ZNF138: variants seen among roughly 807,000 people sequenced by gnomAD.
The protein encoded by ZNF138 is zinc finger protein 138 (clone pHZ-32).
In ZNF138, 33 loss-of-function variants were observed where a neutral mutation model predicts 33.0. The ratio of observed to expected loss-of-function variants is 1.00; its 90% CI spans 0.76 to 1.34. ZNF138 has a LOEUF of 1.34. Among genes scored for constraint, ZNF138 ranks in the 40% most tolerant of loss-of-function variants. The probability of loss-of-function intolerance (pLI) is 0.00; values close to 1 mark genes in which losing one functional copy is unlikely to be tolerated. For synonymous variants in ZNF138, 139 were observed against 120.4 expected (o/e 1.15, Z -1.01); for missense variants, 360 against 370.8 (o/e 0.97, Z 0.24).
At chr7:64,847,021 G>A in the ZNF138 span, among the ~76,000 whole-genome samples, 3 of 152,134 alleles carry the variant, frequency 2.0e-5, no homozygotes, top group Non-Finnish European at 2.9e-5. Flanking sequence ...TGAGATAATC[G>A]TGATTTTTTG....
the ZNF138 span, among the ~76,000 whole-genome samples, chr7:64,845,973 T>C: frequency 6.6e-6 from 1 of 152,344 alleles, no homozygotes; most frequent in Non-Finnish European, 1.5e-5. Context: ...TTTATTCTTC[T>C]ACATGTGGCT....
the ZNF138 span, among the ~76,000 whole-genome samples, chr7:64,846,633 A>C: frequency 8.5e-5 from 13 of 152,112 alleles, no homozygotes; most frequent in Non-Finnish European, 1.6e-4. Flanking sequence ...AGCTTTGCTG[A>C]ATTTATCAGT....
chr7:64,849,040 C>A, the ZNF138 span, among the ~76,000 whole-genome samples: 13 of 152,138 alleles, frequency 8.5e-5, no homozygotes, highest in Admixed American at 4.6e-4. Context: ...TGTCATACTA[C>A]CAGAATTGTT....
intron 3 of ZNF138, among the ~76,000 whole-genome samples, chr7:64,823,489 C>A (rs1266306564): frequency 6.6e-6 from 1 of 152,046 alleles, no homozygotes; most frequent in African/African-American, 2.4e-5. Flanking sequence ...ACATGCACTA[C>A]CATGTTCAAC....
chr7:64,842,098 C>G, the ZNF138 span, among the ~76,000 whole-genome samples: 1 of 152,222 alleles, frequency 6.6e-6, no homozygotes, highest in Non-Finnish European at 1.5e-5. Context: ...GAATCTTGCT[C>G]TGTCACCCAG....
At chr7:64,817,382 T>C (rs1365688491) in intron 3 of ZNF138, among the ~76,000 whole-genome samples, 1 of 152,190 alleles carries the variant, frequency 6.6e-6, no homozygotes, top group African/African-American at 2.4e-5. Context: ...GGCCATTTCT[T>C]GGTATGTAGC....
At chr7:64,805,354 G>A (rs1361433018) in intron 1 of ZNF138, among the ~76,000 whole-genome samples, 3 of 151,710 alleles carry the variant, frequency 2.0e-5, no homozygotes, top group South Asian at 2.1e-4. Flanking sequence ...AGCTGAGATT[G>A]CGCCACTGCA....
chr7:64,855,451 G>A, the ZNF138 span, among the ~76,000 whole-genome samples: 16 of 1,084 alleles, frequency 0.015, 7 homozygotes, highest in African/African-American at 0.015. Context: ...TTTATCTTGC[G>A]TGCAAAAATG....
At chr7:64,859,870 G>A in the ZNF138 span, among the ~76,000 whole-genome samples, 3 of 152,318 alleles carry the variant, frequency 2.0e-5, no homozygotes, top group South Asian at 6.2e-4. Flanking sequence ...TGTGCACGGT[G>A]GCTCACGCCT....
intron 2 of ZNF138, among the ~76,000 whole-genome samples, chr7:64,815,364 T>TA (rs1788530934): frequency 6.6e-6 from 1 of 152,176 alleles, no homozygotes; most frequent in South Asian, 2.1e-4. Flanking sequence ...GAATCAATAG[T>TA]ACTGGGTAGT....
At chr7:64,821,411 A>G (rs911733424) in intron 3 of ZNF138, among the ~76,000 whole-genome samples, 2 of 150,946 alleles carry the variant, frequency 1.3e-5, no homozygotes, top group Non-Finnish European at 2.9e-5. Context: ...TTTTATTGTA[A>G]TTATTATGCA....
the ZNF138 span, among the ~76,000 whole-genome samples, chr7:64,839,292 C>T: frequency 2.0e-5 from 3 of 152,248 alleles, no homozygotes; most frequent in African/African-American, 7.2e-5. Flanking sequence ...TGGGAGGTTG[C>T]GCAGGAGGCA....
At chr7:64,845,918 C>T in the ZNF138 span, among the ~76,000 whole-genome samples, 1 of 152,112 alleles carries the variant, frequency 6.6e-6, no homozygotes, top group African/African-American at 2.4e-5. Flanking sequence ...GTCTTAGATC[C>T]ATCTTGAGTT....
chr7:64,823,960 A>C (rs904165419), intron 3 of ZNF138, among the ~76,000 whole-genome samples: 3 of 152,204 alleles, frequency 2.0e-5, no homozygotes, highest in Non-Finnish European at 4.4e-5. Flanking sequence ...AAATAAATTT[A>C]ATACGGCTTG....
chr7:64,819,027 ATTAG>A lies in ZNF138; in HGVS notation c.208+3377_208+3380del, dbSNP rs565104934. 2.4e-3 allele frequency among the ~76,000 whole-genome samples: 369 copies of A among 152,288 alleles called. 3 individuals are homozygous for A. The highest frequency in any genetic ancestry group is 8.4e-3 in the African/African-American group (349 of 41,544). ...GTTTTTTCAGTGTAGGTTGCTTAATATTAGTTTATTGTAATTTTTTTGTTTTACT... is the reference window on the plus strand; with the variant it reads ...GTTTTTTCAGTGTAGGTTGCTTAATATTTATTGTAATTTTTTTGTTTTACT... On this transcript the variant is annotated intron_variant, in intron 3 of 3. Coordinates refer to ENST00000307355, the MANE Select transcript of ZNF138 (RefSeq NM_001271639.2).
At chr7:64,804,964 T>TA (rs951049243) in intron 1 of ZNF138, among the ~76,000 whole-genome samples, 4 of 152,182 alleles carry the variant, frequency 2.6e-5, no homozygotes, top group East Asian at 1.9e-4. Flanking sequence ...TTTGGGTGTT[T>TA]AAAAAAAATT....
rs778521505 is a variant in ZNF138, at chr7:64,815,669, T to C, written c.208+16T>C. On this transcript the variant is annotated intron_variant, in intron 3 of 3. Coordinates refer to ENST00000307355, the MANE Select transcript of ZNF138 (RefSeq NM_001271639.2). ...AAACATTCAGGTAGGTGAGAGTGAA[T>C]ACACAGATGGCACAGATGAGAGGTC... 1.9e-6 allele frequency: 3 copies of C among 1,606,412 alleles called. No homozygotes were observed. Among genetic ancestry groups the C allele is most frequent in the Non-Finnish European group, 2.6e-6 (3 of 1,175,814 alleles).
chr7:64,836,752 A>T (rs1271430515), downstream of ZNF138: 1 of 152,226 alleles, frequency 6.6e-6, no homozygotes, highest in Non-Finnish European at 1.5e-5. Flanking sequence ...TTGATCATAC[A>T]GGAAGCAAAG....
chr7:64,831,951 A>T lies in ZNF138; in HGVS notation c.709A>T (p.Ile237Phe). The change falls in exon 4 of 4, where the codon ATC becomes TTC. Residue 237 changes from isoleucine to phenylalanine, a missense_variant. Physicochemically the swap from Ile to Phe is conservative, Grantham distance 21. Coordinates refer to ENST00000307355, the MANE Select transcript of ZNF138 (RefSeq NM_001271639.2). Reference protein sequence around the residue: ...VCGKAFHQSSILTKHKIIRTG... With the variant: ...VCGKAFHQSSFLTKHKIIRTG... ...TGGAAAAGCCTTTCACCAATCCTCA[A>T]TCCTTACTAAACATAAGATAATTCG... The T allele has an allele frequency of 6.2e-7, 1 of 1,613,418 alleles. No homozygotes were observed.
Sources: gnomAD v4.1 joint callset for allele counts (sites outside exome capture counted in the v4.1 genomes callset) on GRCh38, gnomAD v4.1.1 for gene constraint, MANE v1.5 for transcripts, NCBI Gene and HGNC (gene_info 2026-07-23, HGNC 2026-07-21) for gene names.